The following PTPRC variants were observed in gnomAD, a reference collection of about 807,000 sequenced individuals.
PTPRC encodes protein tyrosine phosphatase receptor type C.
A neutral mutation model predicts 155.9 loss-of-function variants in PTPRC; 44 were observed. The observed-to-expected ratio is 0.28, with a 90% confidence interval of 0.22 to 0.36. PTPRC has a LOEUF of 0.36. Ranked by LOEUF, PTPRC falls within the 10% of genes least tolerant of loss-of-function variation. The pLI is 1.00. For synonymous variants in PTPRC, 525 were observed against 533.1 expected (o/e 0.98, Z 0.21); for missense variants, 1,401 against 1,564.6 (o/e 0.90, Z 1.76).
At chr1:198,701,197 T>G (rs1055647089) in intron 5 of PTPRC, among the ~76,000 whole-genome samples, 1 of 152,228 alleles carries the variant, frequency 6.6e-6, no homozygotes, top group Non-Finnish European at 1.5e-5. Flanking sequence ...TAGTGGCTTT[T>G]GAAGACTGAG....
At chr1:198,727,829 T>C (rs1382994154) in intron 15 of PTPRC, among the ~76,000 whole-genome samples, 4 of 152,162 alleles carry the variant, frequency 2.6e-5, no homozygotes, top group Non-Finnish European at 4.4e-5. Flanking sequence ...ATCCTAACTA[T>C]AGAATGAAAC....
chr1:198,727,022 G>T (rs1654169624), intron 15 of PTPRC, among the ~76,000 whole-genome samples: 1 of 151,690 alleles, frequency 6.6e-6, no homozygotes, highest in Non-Finnish European at 1.5e-5. Context: ...ACCATGCCTG[G>T]CTAATTTTTT....
Position 198,753,767 on chromosome 1 carries a change from A to C in PTPRC, c.3510-502A>C, listed in dbSNP as rs555878870. On this transcript the variant is annotated intron_variant, in intron 31 of 32. Coordinates refer to ENST00000442510, the MANE Select transcript of PTPRC (RefSeq NM_002838.5). ...TATTTGATTGCCCTCTTTTTAGTGA[A>C]TAATTCTACTAGGTATTACTTTTCT... Among the ~76,000 whole-genome samples, 5 of 152,186 alleles carry C rather than the reference A, an allele frequency of 3.3e-5. No homozygotes were observed. In the South Asian group the frequency reaches 1.0e-3, roughly 32 times the overall value.
intron 27 of PTPRC, among the ~76,000 whole-genome samples, chr1:198,748,819 TAAATC>T (rs1558038337): frequency 6.6e-6 from 1 of 151,720 alleles, no homozygotes; most frequent in Non-Finnish European, 1.5e-5. Context: ...GATGACCAAA[TAAATC>T]AGATCAGTGC....
At position 198,692,772 on chromosome 1, in the gene PTPRC, T is replaced by C. The variant is rs1318712336; in HGVS notation, c.100+399T>C. The C allele has an allele frequency of 1.1e-5, 10 of 917,684 alleles. No homozygotes were observed. The African/African-American group carries it at 1.4e-4, about 13-fold the overall frequency. 56.8% of individuals were successfully genotyped at this position (917,684 alleles called of 1,614,324 possible). Reference sequence around the variant, plus strand: ...TAGATATGTAGATAACAGATTTGCATATGTCTATATTTCTTTAAGAGTATG... The same window carrying C: ...TAGATATGTAGATAACAGATTTGCACATGTCTATATTTCTTTAAGAGTATG... On this transcript the variant is annotated intron_variant, in intron 3 of 32. Transcript: ENST00000442510.
intron 15 of PTPRC, among the ~76,000 whole-genome samples, chr1:198,724,545 T>A (rs543070650): frequency 1.2e-3 from 189 of 152,222 alleles, no homozygotes; most frequent in African/African-American, 3.6e-3. Flanking sequence ...ACAAAAAAAA[T>A]TTTTATTCTG....
In PTPRC at chr1:198,699,660, C is replaced by G. The variant is rs1571847562; in HGVS notation, c.395C>G (p.Ala132Gly). 6.2e-7 allele frequency: 1 copy of G among 1,614,202 alleles called. No individual in the cohort carries two copies. The highest frequency in any genetic ancestry group is 8.5e-7 in the Non-Finnish European group (1 of 1,180,036). Reference sequence around the variant, plus strand: ...ACGCAGACATTCAGCGGCTCCGCCGCCAATGCAAAACTCAACCCTACCCCA... The same window carrying G: ...ACGCAGACATTCAGCGGCTCCGCCGGCAATGCAAAACTCAACCCTACCCCA... ...TDTQTFSGSA[A>G]NAKLNPTPGS... The change falls in exon 5 of 33, where the codon GCC (alanine) becomes GGC (glycine). Residue 132 changes from alanine to glycine, a missense_variant. Coordinates refer to ENST00000442510, the MANE Select transcript of PTPRC (RefSeq NM_002838.5).
At chr1:198,695,134 G>A in intron 3 of PTPRC, 2 of 895,682 alleles carry the variant, frequency 2.2e-6, no homozygotes, top group South Asian at 1.0e-4. Flanking sequence ...ATTAACTTTA[G>A]CTTTGATACT....
chr1:198,696,652 C>T, intron 3 of PTPRC, 60 bp from the exon 4 acceptor site: 1 of 1,400,994 alleles, frequency 7.1e-7, no homozygotes, highest in Non-Finnish European at 1.0e-6. Flanking sequence ...GAGGAGCATA[C>T]ATTTAGGGTA....
chr1:198,671,975 A>C (rs1230673841), intron 2 of PTPRC, among the ~76,000 whole-genome samples: 2 of 152,174 alleles, frequency 1.3e-5, no homozygotes, highest in African/African-American at 2.4e-5. Flanking sequence ...CTTGCTAATG[A>C]GACCTTCATT....
At position 198,719,901 on chromosome 1, in the gene PTPRC, G is replaced by A. The variant is rs545839928; in HGVS notation, c.1659+1599G>A. Among the ~76,000 whole-genome samples the A allele has an allele frequency of 5.9e-5, 9 of 152,204 alleles. 1 individual carries two copies. The highest frequency in any genetic ancestry group is 4.1e-4 in the South Asian group (2 of 4,828). On this transcript the variant is annotated intron_variant, in intron 14 of 32. Coordinates refer to ENST00000442510, the MANE Select transcript of PTPRC (RefSeq NM_002838.5). Reference sequence around the variant, plus strand: ...GTTGGGATTACAGGTGTGAGCCACCGTGCCCGGCCCATATTCTTTATCACT... The same window carrying A: ...GTTGGGATTACAGGTGTGAGCCACCATGCCCGGCCCATATTCTTTATCACT...
chr1:198,660,030 C>CATATATAT lies in PTPRC; in HGVS notation c.73+20720_73+20727dup, dbSNP rs34796231. Reference sequence around the variant, plus strand: ...AGATATATTTGTCCATATATATGTCCATATATATATATATATATATATATA... The same window carrying CATATATAT: ...AGATATATTTGTCCATATATATGTCCATATATATATATATATATATATATATATATATA... On this transcript the variant is annotated intron_variant, in intron 2 of 32. Transcript: ENST00000442510. Among the ~76,000 whole-genome samples, 367 of 115,738 alleles carry CATATATAT rather than the reference C, an allele frequency of 3.2e-3. 7 individuals are homozygous for CATATATAT. The highest frequency in any genetic ancestry group is 6.2e-3 in the Middle Eastern group (1 of 162). The allele number at this position is 115,738 out of a possible 152,430, so 75.9% of individuals were successfully genotyped here. A position where few individuals can be genotyped will look rare whatever the true frequency, so the allele number is the denominator to read the frequency against.
In PTPRC at chr1:198,708,077, C is replaced by A. The variant is rs1269403665; in HGVS notation, c.905-56C>A. 3 of 1,503,374 alleles carry A rather than the reference C, an allele frequency of 2.0e-6. No homozygotes were observed. In the Admixed American group the frequency reaches 5.1e-5, roughly 26 times the overall value. 93.1% of individuals were successfully genotyped at this position (1,503,374 alleles called of 1,614,324 possible). ...CTGACATGTTAGGAATGAATGAGGG[C>A]TTAGGATACACATTATGAAATACTA... is the stretch of plus-strand genomic sequence containing the variant. On this transcript the variant is annotated intron_variant, in intron 9 of 32. Coordinates refer to ENST00000442510, the MANE Select transcript of PTPRC (RefSeq NM_002838.5).
At position 198,674,829 on chromosome 1, in the gene PTPRC, A is replaced by G. The variant is rs1407264179; in HGVS notation, c.74-17518A>G. Among the ~76,000 whole-genome samples the G allele has an allele frequency of 2.6e-5, 4 of 152,240 alleles. No homozygotes were observed. The East Asian group carries it at 7.7e-4, about 29-fold the overall frequency. On this transcript the variant is annotated intron_variant, in intron 2 of 32. Transcript: ENST00000442510. Reference sequence around the variant, plus strand: ...TGCTCTTCATTTGGCTTCCTCTAATATTAACATTTGCCAAGGTTACATTTG... The same window carrying G: ...TGCTCTTCATTTGGCTTCCTCTAATGTTAACATTTGCCAAGGTTACATTTG...
At chr1:198,649,896 A>T (rs561195473) in intron 2 of PTPRC, among the ~76,000 whole-genome samples, 1 of 151,994 alleles carries the variant, frequency 6.6e-6, no homozygotes, top group South Asian at 2.1e-4. Context: ...TGTGAAGAAA[A>T]TTAAGTAGTG....
chr1:198,646,060 G>T (rs75864485), intron 2 of PTPRC, among the ~76,000 whole-genome samples: 3,912 of 151,756 alleles, frequency 0.026, 193 homozygotes, highest in East Asian at 0.19. Flanking sequence ...CAACTTTTAT[G>T]AAAACAAATA....
At chr1:198,735,091 A>G in intron 22 of PTPRC, 36 bp from the exon 23 acceptor site, 1 of 1,516,490 alleles carries the variant, frequency 6.6e-7, no homozygotes, top group Non-Finnish European at 8.9e-7. Flanking sequence ...GGCTTAAATT[A>G]AAAATTAAAA....
At chr1:198,645,838 T>C (rs1209502930) in intron 2 of PTPRC, among the ~76,000 whole-genome samples, 3 of 151,834 alleles carry the variant, frequency 2.0e-5, no homozygotes, top group Non-Finnish European at 1.5e-5. Context: ...AAATAGTTTG[T>C]AAATCCACAC....
At chr1:198,683,203 G>A (rs1665436929) in intron 2 of PTPRC, among the ~76,000 whole-genome samples, 1 of 152,134 alleles carries the variant, frequency 6.6e-6, no homozygotes, top group African/African-American at 2.4e-5. Flanking sequence ...AAAATAATAT[G>A]TAACAGTATT....
Sources: gnomAD v4.1 joint callset for allele counts (sites outside exome capture counted in the v4.1 genomes callset) on GRCh38, gnomAD v4.1.1 for gene constraint, MANE v1.5 for transcripts, NCBI Gene and HGNC (gene_info 2026-07-23, HGNC 2026-07-21) for gene names.